The following FBXO38 variants were observed in gnomAD, a reference collection of about 807,000 sequenced individuals.
FBXO38 encodes F-box only protein 38.
Under a neutral mutation model 131.9 loss-of-function variants are expected in FBXO38, and 53 were observed. The ratio of observed to expected loss-of-function variants is 0.40; its 90% CI spans 0.32 to 0.51. The LOEUF (loss-of-function observed/expected upper bound fraction) is 0.51. FBXO38 is among the 20% of genes least tolerant of loss of function. The probability of loss-of-function intolerance (pLI) is 0.53; values close to 1 mark genes in which losing one functional copy is unlikely to be tolerated. For missense variants in FBXO38, 1,076 were observed against 1,475.6 expected (o/e 0.73, Z 4.44); for synonymous variants, 452 against 505.6 (o/e 0.89, Z 1.42).
At chr5:148,421,008 C>A (rs557516403) in intron 12 of FBXO38, among the ~76,000 whole-genome samples, 73 of 151,840 alleles carry the variant, frequency 4.8e-4, no homozygotes, top group Non-Finnish European at 8.7e-4. Flanking sequence ...ACTCTGTCAC[C>A]CAGACTGGAG....
intron 2 of FBXO38, 65 bp downstream of exon 2, chr5:148,394,969 G>A (rs1379182399): frequency 2.9e-6 from 4 of 1,386,416 alleles, no homozygotes; most frequent in Admixed American, 2.8e-5. Flanking sequence ...AGGCAGTGCT[G>A]TCTAATGTGG....
intron 12 of FBXO38, among the ~76,000 whole-genome samples, chr5:148,417,947 G>T (rs1042061044): frequency 5.9e-5 from 9 of 152,132 alleles, no homozygotes; most frequent in African/African-American, 9.7e-5. Flanking sequence ...GAAATAGGGT[G>T]CCCTGATATG....
chr5:148,389,360 A>G (rs1396275477), intron 1 of FBXO38, among the ~76,000 whole-genome samples: 1 of 152,218 alleles, frequency 6.6e-6, no homozygotes, highest in African/African-American at 2.4e-5. Context: ...GTTGCCACAG[A>G]CCTTCAATTT....
chr5:148,418,833 G>A (rs1240805747), intron 12 of FBXO38, among the ~76,000 whole-genome samples: 2 of 152,206 alleles, frequency 1.3e-5, no homozygotes, highest in Admixed American at 1.3e-4. Flanking sequence ...GCCTGCCATT[G>A]TGAAATCATA....
intron 9 of FBXO38, 28 bp from the exon 10 acceptor site, chr5:148,414,108 T>A (rs373073120): frequency 1.0e-4 from 165 of 1,578,956 alleles, no homozygotes; most frequent in Non-Finnish European, 1.4e-4. Context: ...TTTGACTTTT[T>A]TTTTTTTTAA....
chr5:148,412,850 T>C (rs1187667143), intron 9 of FBXO38, among the ~76,000 whole-genome samples: 2 of 152,112 alleles, frequency 1.3e-5, no homozygotes, highest in Non-Finnish European at 2.9e-5. Context: ...CTTTTACCTT[T>C]AGCTCACCTG....
At position 148,404,926 on chromosome 5, in the gene FBXO38, T is replaced by C. The variant is rs951324789; in HGVS notation, c.730+104T>C. 1.8e-5 allele frequency: 18 copies of C among 993,782 alleles called. No individual in the cohort carries two copies. In the African/African-American group the frequency reaches 2.8e-4, roughly 15 times the overall value. 61.6% of individuals were successfully genotyped at this position (993,782 alleles called of 1,614,324 possible). ...AAATACAATTATATTATGCTATTAC[T>C]ATTTATGTCTTATAACATATTCATC... On this transcript the variant is annotated intron_variant, in intron 6 of 21. Coordinates refer to ENST00000340253, the MANE Select transcript of FBXO38 (RefSeq NM_205836.3).
Position 148,442,065 on chromosome 5 carries a change from A to C in FBXO38, c.3485A>C (p.Lys1162Thr). Residue 1162 changes from lysine (K) to threonine (T), a missense_variant, in exon 22 of 22, where the codon AAG becomes ACG. Physicochemically the swap from Lys to Thr is moderately conservative, Grantham distance 78. Coordinates refer to ENST00000340253, the MANE Select transcript of FBXO38 (RefSeq NM_205836.3). ...EEISEMRQMK[K>T]GVFQRVVAIF... ...ATTTCAGAGATGCGTCAGATGAAGA[A>C]GGGTGTATTTCAGCGAGTAGTGGCA... is the stretch of plus-strand genomic sequence containing the variant. The C allele has an allele frequency of 1.9e-6, 3 of 1,614,140 alleles. No homozygotes were observed. In the South Asian group the frequency reaches 3.3e-5, roughly 18 times the overall value.
chr5:148,422,769 G>C (rs934269474), intron 12 of FBXO38, among the ~76,000 whole-genome samples: 1 of 152,174 alleles, frequency 6.6e-6, no homozygotes, highest in African/African-American at 2.4e-5. Flanking sequence ...TTATCACATT[G>C]ATGTTTGAAT....
rs761558731 is a variant in FBXO38 at position 148,425,510 on chromosome 5, C to CT, written c.1739-4dup. Reference sequence around the variant, plus strand: ...GCAAAAAGTAACTGTTAGGCCTGTGCTTTTTTTTAAGGACCCAGTGGTCTT... The same window carrying CT: ...GCAAAAAGTAACTGTTAGGCCTGTGCTTTTTTTTTAAGGACCCAGTGGTCTT... On this transcript the variant is annotated splice_polypyrimidine_tract_variant and intron_variant, in intron 13 of 21. Coordinates refer to ENST00000340253, the MANE Select transcript of FBXO38 (RefSeq NM_205836.3). 9.5e-5 allele frequency: 151 copies of CT among 1,596,826 alleles called. No individual in the cohort carries two copies. The highest frequency in any genetic ancestry group is 1.4e-4 in the Admixed American group (8 of 59,092).
rs1259570335 is a variant in FBXO38, at chr5:148,433,818, T to G, written c.2857+81T>G. 5 of 696,788 alleles carry G rather than the reference T, an allele frequency of 7.2e-6. No homozygotes were observed. The African/African-American group carries it at 7.3e-5, about 10-fold the overall frequency. 43.2% of individuals were successfully genotyped at this position (696,788 alleles called of 1,614,324 possible). On this transcript the variant is annotated intron_variant, in intron 17 of 21. Transcript: ENST00000340253. ...GGAACTCATAAATACTGTAATAGCA[T>G]TACTGTCTTATTTTCTTAAAGGAAA...
chr5:148,435,342 C>T (rs1339179359), intron 17 of FBXO38, among the ~76,000 whole-genome samples: 1 of 152,190 alleles, frequency 6.6e-6, no homozygotes, highest in South Asian at 2.1e-4. Flanking sequence ...TGGAATAGCA[C>T]TTTTAATTTC....
chr5:148,429,769 G>A (rs1372236126), intron 15 of FBXO38, among the ~76,000 whole-genome samples: 2 of 151,916 alleles, frequency 1.3e-5, no homozygotes, highest in Non-Finnish European at 2.9e-5. Flanking sequence ...CTTCATATTA[G>A]CCATTGAAGT....
At chr5:148,391,744 ACTT>A (rs1316514879) in intron 1 of FBXO38, among the ~76,000 whole-genome samples, 1 of 152,206 alleles carries the variant, frequency 6.6e-6, no homozygotes, top group Non-Finnish European at 1.5e-5. Context: ...TGTATATTGT[ACTT>A]CTTAAAAACA....
At chr5:148,391,950 T>C (rs1758217604) in intron 1 of FBXO38, among the ~76,000 whole-genome samples, 1 of 152,186 alleles carries the variant, frequency 6.6e-6, no homozygotes, top group Admixed American at 6.5e-5. Flanking sequence ...TTTTAGGGGG[T>C]AATCTTTTTA....
intron 8 of FBXO38, among the ~76,000 whole-genome samples, chr5:148,410,047 C>T (rs1752658912): frequency 6.6e-6 from 1 of 152,152 alleles, no homozygotes; most frequent in South Asian, 2.1e-4. Flanking sequence ...CAGTGTACTG[C>T]TTAAGATTTC....
At chr5:148,404,935 C>A in intron 6 of FBXO38, 113 bp downstream of exon 6, 1 of 851,350 alleles carries the variant, frequency 1.2e-6, no homozygotes, top group Non-Finnish European at 1.7e-6. Flanking sequence ...CTATTTATGT[C>A]TTATAACATA....
chr5:148,425,459 G>A, intron 13 of FBXO38, 63 bp from the exon 14 acceptor site: 1 of 1,299,870 alleles, frequency 7.7e-7, no homozygotes, highest in East Asian at 2.3e-5. Flanking sequence ...CCTGGAAACA[G>A]TACTTTGCAT....
In FBXO38 at chr5:148,383,988, T is replaced by A. The variant is rs1421291465; in HGVS notation, c.-115T>A. The A allele has an allele frequency of 6.6e-6, 1 of 152,512 alleles. No individual in the cohort carries two copies. The highest frequency in any genetic ancestry group is 1.5e-5 in the Non-Finnish European group (1 of 68,358). 9.4% of individuals were successfully genotyped at this position (152,512 alleles called of 1,614,324 possible). On this transcript the variant is annotated 5_prime_UTR_variant, in exon 1 of 22. Transcript: ENST00000340253. ...CTCAGCGGTAGGGGCCGGGGAAGTG[T>A]CTGTAGCGTCCCTCCCTCTCAACCA...
Sources: gnomAD v4.1 joint callset for allele counts (sites outside exome capture counted in the v4.1 genomes callset) on GRCh38, gnomAD v4.1.1 for gene constraint, MANE v1.5 for transcripts, NCBI Gene and HGNC (gene_info 2026-07-23, HGNC 2026-07-21) for gene names.